The following TCHHL1 variants were observed in gnomAD, a reference collection of about 807,000 sequenced individuals.
TCHHL1 encodes the protein trichohyalin-like protein 1.
In TCHHL1, 1 loss-of-function variant was observed where a neutral mutation model predicts 3.5. The ratio of observed to expected loss-of-function variants is 0.29; its 90% CI spans 0.10 to 1.36. The LOEUF is 1.36. Ranked by LOEUF, TCHHL1 falls within the 40% of genes most tolerant of loss-of-function variation. The probability of loss-of-function intolerance (pLI) is 0.43; values close to 1 mark genes in which losing one functional copy is unlikely to be tolerated. For missense variants in TCHHL1, 1,027 were observed against 1,032.8 expected, an observed-to-expected ratio of 0.99 and a Z score of 0.08; for synonymous variants, 405 against 375.3, an observed-to-expected ratio of 1.08 and a Z score of -0.92.
At position 152,084,434 on chromosome 1, in the gene TCHHL1, T is replaced by A. The variant is rs1352017301; in HGVS notation, c.*533A>T. 6.2e-6 allele frequency: 1 copy of A among 161,402 alleles called. No homozygotes were observed. Among genetic ancestry groups the A allele is most frequent in the Admixed American group, 6.5e-5 (1 of 15,316 alleles). The allele number at this position is 161,402 out of a possible 1,614,324, so 10.0% of individuals were successfully genotyped here. A position where few individuals can be genotyped will look rare whatever the true frequency, so the allele number is the denominator to read the frequency against. On this transcript the variant is annotated 3_prime_UTR_variant, in exon 3 of 3. Coordinates refer to ENST00000368806, the MANE Select transcript of TCHHL1 (RefSeq NM_001008536.2). ...ACCTGAACATGAGCAGAGTCATAAA[T>A]TTACTTTAATCAAGTGCTAGAAAAT... is the stretch of plus-strand genomic sequence containing the variant.
At chr1:152,088,949 T>C (rs1354193016) in intron 1 of TCHHL1, 71 bp downstream of exon 1, 3 of 152,186 alleles carry the variant, frequency 2.0e-5, no homozygotes, top group Admixed American at 2.0e-4. Context: ...TCCTTTGAAA[T>C]CCTCTTGCAA....
In TCHHL1 at chr1:152,085,493, G is replaced by C. The variant is rs745701503; in HGVS notation, c.2189C>G (p.Ala730Gly). 1.2e-4 allele frequency: 192 copies of C among 1,614,044 alleles called. 1 individual carries two copies. The South Asian group carries it at 1.9e-3, about 16-fold the overall frequency. The change falls in exon 3 of 3, where the codon GCC becomes GGC. Residue 730 changes from alanine (A) to glycine (G), a missense_variant. By Grantham distance (60) the Ala-to-Gly change is moderately conservative. Coordinates refer to ENST00000368806, the MANE Select transcript of TCHHL1 (RefSeq NM_001008536.2). ...LLESLDEDNS[A>G]SLKIQLETKE... ...TGTTTCAAGTTGTATCTTGAGGGAG[G>C]CTGAATTGTCCTCATCTAGACTTTC...
Position 152,087,364 on chromosome 1 carries a change from C to T in TCHHL1, c.318G>A (p.Lys106=). The T allele has an allele frequency of 6.2e-7, 1 of 1,613,708 alleles. No homozygotes were observed. Among genetic ancestry groups the T allele is most frequent in the Non-Finnish European group, 8.5e-7 (1 of 1,179,990 alleles). Residue 106 remains lysine (K), a synonymous_variant, in exon 3 of 3, where the codon AAG becomes AAA. Transcript: ENST00000368806. ...TTGCCTGAACATCCACATCATCTAGCTTCTCCTTCTCTGGTTTAGTCACCT... is the reference window on the plus strand; with the variant it reads ...TTGCCTGAACATCCACATCATCTAGTTTCTCCTTCTCTGGTTTAGTCACCT... ...LRQVTKPEKE[K]LDDVDVQATT...
rs376007043 is a variant in TCHHL1 at position 152,085,499 on chromosome 1, T to C, written c.2183A>G (p.Asn728Ser). Residue 728 changes from asparagine to serine, a missense_variant, in exon 3 of 3, where the codon AAT (asparagine) becomes AGT (serine). Physicochemically the swap from Asn to Ser is conservative, Grantham distance 46. This residue lies in a region of TCHHL1 where 673 missense variants were observed against 658.6 expected (regional missense o/e 1.02). Transcript: ENST00000368806. ...AAGTTGTATCTTGAGGGAGGCTGAA[T>C]TGTCCTCATCTAGACTTTCTAACAG... ...NTLLESLDED[N>S]SASLKIQLET... 9 of 1,614,240 alleles carry C rather than the reference T, an allele frequency of 5.6e-6. No homozygotes were observed. Among genetic ancestry groups the C allele is most frequent in the Non-Finnish European group, 7.6e-6 (9 of 1,180,042 alleles).
rs1657699011 is a variant in TCHHL1, at chr1:152,085,378, C to T, written c.2304G>A (p.Glu768=). 3 of 1,614,066 alleles carry T rather than the reference C, an allele frequency of 1.9e-6. No individual in the cohort carries two copies. In the South Asian group the frequency reaches 3.3e-5, roughly 18 times the overall value. Residue 768 remains glutamate, a synonymous_variant, in exon 3 of 3, where the codon GAG becomes GAA. Transcript: ENST00000368806. ...TTGACCAGGGGACTGAAGAATTGTGCTCTTTCTTGGCTGGACTTTTTTGGT... is the reference window on the plus strand; with the variant it reads ...TTGACCAGGGGACTGAAGAATTGTGTTCTTTCTTGGCTGGACTTTTTTGGT... The part of the protein sequence containing the change: ...GGDQKSPAKK[E]HNSSVPWSSL...
Position 152,087,493 on chromosome 1 carries a change from G to T in TCHHL1, c.189C>A (p.Asp63Glu), listed in dbSNP as rs953063758. 2 of 1,601,222 alleles carry T rather than the reference G, an allele frequency of 1.2e-6. No individual in the cohort carries two copies. Among genetic ancestry groups the T allele is most frequent in the African/African-American group, 2.7e-5 (2 of 75,000 alleles). The change falls in exon 3 of 3, where the codon GAC (aspartate) becomes GAA (glutamate). Residue 63 changes from aspartate to glutamate, a missense_variant. Asp to Glu is a conservative substitution (Grantham distance 45). Coordinates refer to ENST00000368806, the MANE Select transcript of TCHHL1 (RefSeq NM_001008536.2). The part of the protein sequence containing the change: ...VEKNSNLLNI[D>E]SNGIISFDEF... ...CATCAAAACTGATGATGCCATTACT[G>T]TCAATATTCAGAAGATTTGAATTTT...
rs1321540281 is a variant in TCHHL1 at position 152,087,328 on chromosome 1, A to G, written c.354T>C (p.Asp118=). Residue 118 remains aspartate, a synonymous_variant, in exon 3 of 3, where the codon GAT becomes GAC. Coordinates refer to ENST00000368806, the MANE Select transcript of TCHHL1 (RefSeq NM_001008536.2). ...GTGAAGTTCCCACTGTCCACTGACCATCTCCGGTGGTTGCCTGAACATCCA... is the reference window on the plus strand; with the variant it reads ...GTGAAGTTCCCACTGTCCACTGACCGTCTCCGGTGGTTGCCTGAACATCCA... The part of the protein sequence containing the change: ...DDVDVQATTG[D]GQWTVGTSPT... 1 of 1,613,218 alleles carries G rather than the reference A, an allele frequency of 6.2e-7. No homozygotes were observed. The highest frequency in any genetic ancestry group is 8.5e-7 in the Non-Finnish European group (1 of 1,179,796).
rs752906029 is a variant in TCHHL1 at position 152,086,708 on chromosome 1, T to C, written c.974A>G (p.Lys325Arg). 8 of 1,614,250 alleles carry C rather than the reference T, an allele frequency of 5.0e-6. No homozygotes were observed. The highest frequency in any genetic ancestry group is 4.5e-5 in the East Asian group (2 of 44,894). ...PSQTQKSTDS[K>R]DVCRMFDTQE... ...AGTGTCAAACATTCTACAGACATCC[T>C]TGGAATCAGTTGATTTCTGTGTCTG... Residue 325 changes from lysine to arginine, a missense_variant, in exon 3 of 3, where the codon AAG becomes AGG. By Grantham distance (26) the Lys-to-Arg change is conservative. Around this residue, in one of 3 missense-constraint regions of TCHHL1, gnomAD observed 16 missense variants for 38.3 expected, o/e 0.42. Transcript: ENST00000368806.
At position 152,086,183 on chromosome 1, in the gene TCHHL1, T is replaced by G. The variant is rs1657719575; in HGVS notation, c.1499A>C (p.Gln500Pro). ...ERTLGARERTQDLAPLEKQSV... is the reference protein window; with the variant it reads ...ERTLGARERTPDLAPLEKQSV... ...CTGCTTCTCAAGTGGTGCTAAATCT[T>G]GTGTTCTTTCTCTTGCCCCCAGTGT... The change falls in exon 3 of 3, where the codon CAA (glutamine) becomes CCA (proline). Residue 500 changes from glutamine to proline, a missense_variant. Transcript: ENST00000368806. 6.2e-7 allele frequency: 1 copy of G among 1,614,106 alleles called. No individual in the cohort carries two copies. The highest frequency in any genetic ancestry group is 1.3e-5 in the African/African-American group (1 of 74,936).
chr1:152,088,060 C>T lies in TCHHL1; in HGVS notation c.84G>A (p.Leu28=). The change falls in exon 2 of 3, where the codon CTG becomes CTA. Residue 28 remains leucine (L), a synonymous_variant. Transcript: ENST00000368806. ...YASEDSNGAT[L]TGRELKQLIQ... is the part of the protein sequence containing the mutation. ...TGAGTTGTTTCAGCTCTCTGCCAGT[C>T]AGTGTTGCCCCGTTACTGTCCTCAC... The T allele has an allele frequency of 6.2e-7, 1 of 1,611,390 alleles. No homozygotes were observed.
chr1:152,088,908 A>C (rs1478470244), intron 1 of TCHHL1, 112 bp downstream of exon 1: 1 of 152,152 alleles, frequency 6.6e-6, no homozygotes, highest in East Asian at 1.9e-4. Flanking sequence ...TATTATTATT[A>C]ATAGGGGTTG....
rs1657750044 is a variant in TCHHL1 at position 152,087,202 on chromosome 1, C to G, written c.480G>C (p.Trp160Cys). 6.2e-7 allele frequency: 1 copy of G among 1,614,142 alleles called. No homozygotes were observed. Among genetic ancestry groups the G allele is most frequent in the Non-Finnish European group, 8.5e-7 (1 of 1,179,992 alleles). The stretch of plus-strand genomic sequence containing the variant: ...GAAAGTTGTGAGTCTTGGCTTCTCT[C>G]CATGGGTCCACTCTGTTATTTCCAA... ...GAVGNNRVDPWREAKTHNFPG... is the reference protein window; with the variant it reads ...GAVGNNRVDPCREAKTHNFPG... The change falls in exon 3 of 3, where the codon TGG becomes TGC. Residue 160 changes from tryptophan to cysteine, a missense_variant. Coordinates refer to ENST00000368806, the MANE Select transcript of TCHHL1 (RefSeq NM_001008536.2).
Position 152,085,375 on chromosome 1 carries a change from G to A in TCHHL1, c.2307C>T (p.His769=), listed in dbSNP as rs1657698715. ...GDQKSPAKKE[H]NSSVPWSSLE... ...GACTTGACCAGGGGACTGAAGAATT[G>A]TGCTCTTTCTTGGCTGGACTTTTTT... The change falls in exon 3 of 3, where the codon CAC becomes CAT. Residue 769 remains histidine, a synonymous_variant. Coordinates refer to ENST00000368806, the MANE Select transcript of TCHHL1 (RefSeq NM_001008536.2). 1.2e-6 allele frequency: 2 copies of A among 1,614,176 alleles called. No homozygotes were observed. The highest frequency in any genetic ancestry group is 3.3e-4 in the Middle Eastern group (2 of 6,062).
chr1:152,087,116 CTTTG>C lies in TCHHL1; in HGVS notation c.562_565del (p.Gln188ValfsTer59). ...TTGTATATCTTGAGCCACTTCCTGACTTTGTTCATCTCCTTCCAGGTGTTTGTTC... is the reference window on the plus strand; with the variant it reads ...TTGTATATCTTGAGCCACTTCCTGACTTCATCTCCTTCCAGGTGTTTGTTC... On this transcript the variant is annotated frameshift_variant, in exon 3 of 3. Transcript: ENST00000368806. LOFTEE classifies it low-confidence loss of function (END_TRUNC). 1 of 1,614,152 alleles carries C rather than the reference CTTTG, an allele frequency of 6.2e-7. No homozygotes were observed. The highest frequency in any genetic ancestry group is 8.5e-7 in the Non-Finnish European group (1 of 1,180,022).
At position 152,087,038 on chromosome 1, in the gene TCHHL1, G is replaced by C; in HGVS notation, c.644C>G (p.Ser215Ter). ...QLKTNKPMAG[S>*]KKTSSPTERK... ...CTCTGTGGGACTGCTGGTCTTTTTTGATCCTGCCATTGGCTTATTTGTCTT... is the reference window on the plus strand; with the variant it reads ...CTCTGTGGGACTGCTGGTCTTTTTTCATCCTGCCATTGGCTTATTTGTCTT... The change falls in exon 3 of 3, where the codon TCA becomes TGA. Residue 215 changes from serine (S) to a stop codon, truncating the protein, a stop_gained. Transcript: ENST00000368806. LOFTEE classifies it low-confidence loss of function (END_TRUNC). 1.2e-6 allele frequency: 2 copies of C among 1,613,850 alleles called. No homozygotes were observed. The highest frequency in any genetic ancestry group is 1.3e-5 in the African/African-American group (1 of 74,930).
chr1:152,086,476 T>A lies in TCHHL1; in HGVS notation c.1206A>T (p.Thr402=). The part of the protein sequence containing the change: ...KERRGPEAHG[T]AGQKERDRKT... ...TTCTGTCACGTTCTTTCTGCCCTGC[T>A]GTTCCATGGGCCTCAGGACCTCTCC... is the stretch of plus-strand genomic sequence containing the variant. Residue 402 remains threonine, a synonymous_variant, in exon 3 of 3, where the codon ACA becomes ACT. Transcript: ENST00000368806. 3 of 1,614,236 alleles carry A rather than the reference T, an allele frequency of 1.9e-6. No homozygotes were observed. Among genetic ancestry groups the A allele is most frequent in the Non-Finnish European group, 1.7e-6 (2 of 1,180,032 alleles).
Position 152,085,178 on chromosome 1 carries a change from C to A in TCHHL1, c.2504G>T (p.Cys835Phe), listed in dbSNP as rs1372502922. 1 of 1,614,178 alleles carries A rather than the reference C, an allele frequency of 6.2e-7. No homozygotes were observed. Among genetic ancestry groups the A allele is most frequent in the Non-Finnish European group, 8.5e-7 (1 of 1,180,038 alleles). The change falls in exon 3 of 3, where the codon TGC becomes TTC. Residue 835 changes from cysteine to phenylalanine, a missense_variant. Transcript: ENST00000368806. ...GATCTCACTGGTGAGGGATACACTG[C>A]AAAGCTCTGGGCCTGATGCCTGGGC... Reference protein sequence around the residue: ...QIAQASGPELCSVSLTSEISD... With the variant: ...QIAQASGPELFSVSLTSEISD...
Position 152,087,393 on chromosome 1 carries a change from T to A in TCHHL1, c.289A>T (p.Arg97Ter). ...DIKSLLSSEL[R>*]QVTKPEKEKL... ...TCCTTCTCTGGTTTAGTCACCTGTC[T>A]TAGTTCAGAACTTAGTAATGATTTT... The change falls in exon 3 of 3, where the codon AGA becomes TGA. Residue 97 changes from arginine to a stop codon, truncating the protein, a stop_gained. Coordinates refer to ENST00000368806, the MANE Select transcript of TCHHL1 (RefSeq NM_001008536.2). LOFTEE classifies it low-confidence loss of function (END_TRUNC). 6.2e-7 allele frequency: 1 copy of A among 1,613,322 alleles called. No individual in the cohort carries two copies. The highest frequency in any genetic ancestry group is 8.5e-7 in the Non-Finnish European group (1 of 1,180,024).
chr1:152,087,450 A>G lies in TCHHL1; in HGVS notation c.232T>C (p.Phe78Leu). Residue 78 changes from phenylalanine to leucine, a missense_variant, in exon 3 of 3, where the codon TTC becomes CTC. Physicochemically the swap from Phe to Leu is conservative, Grantham distance 22. This residue lies in a region of TCHHL1 where 338 missense variants were observed against 335.9 expected (regional missense o/e 1.01). Transcript: ENST00000368806. ...ISFDEFVLAI[F>L]NLLNLCYLDI... is the part of the protein sequence containing the mutation. ...AGATAACAGAGGTTCAACAAGTTGA[A>G]GATTGCAAGAACAAATTCATCAAAA... 1 of 1,607,896 alleles carries G rather than the reference A, an allele frequency of 6.2e-7. No homozygotes were observed.
Sources: gnomAD v4.1 joint callset for allele counts on GRCh38, gnomAD v4.1.1 for gene constraint, gnomAD v4.1.1 regional missense constraint, MANE v1.5 for transcripts, NCBI Gene and HGNC (gene_info 2026-07-23, HGNC 2026-07-21) for gene names.